The following ZNF584 variants were observed in gnomAD, a reference collection of about 807,000 sequenced individuals.
The protein encoded by ZNF584 is zinc finger protein 584.
Under a neutral mutation model 14.7 loss-of-function variants are expected in ZNF584, and 12 were observed. The observed-to-expected ratio is 0.82, with a 90% CI of 0.52 to 1.32. The LOEUF is 1.32. ZNF584 is among the 40% of genes most tolerant of loss of function. The pLI is 0.00. For missense variants in ZNF584, 478 were observed against 518.8 expected (o/e 0.92, Z 0.76); for synonymous variants, 204 against 190.9 (o/e 1.07, Z -0.57).
chr19:58,410,609 A>ATG (rs2052546666), intron 2 of ZNF584, among the ~76,000 whole-genome samples: 1 of 43,534 alleles, frequency 2.3e-5, no homozygotes, highest in African/African-American at 2.5e-4. Context: ...ATATGTATAT[A>ATG]TATGTGTATA....
chr19:58,406,344 CGGGG>C (rs1171489261), upstream of ZNF584: 1 of 24,400 alleles, frequency 4.1e-5, no homozygotes, highest in African/African-American at 1.6e-4. Flanking sequence ...GTGGAAAGAG[CGGGG>C]GGGGGGGGAG....
chr19:58,402,515 T>A (rs1234298695), intron 1 of ZNF584, among the ~76,000 whole-genome samples: 1 of 152,186 alleles, frequency 6.6e-6, no homozygotes, highest in Non-Finnish European at 1.5e-5. Context: ...ACCATATAAT[T>A]TGCCCATTTT....
At chr19:58,411,158 C>T (rs917776455) in intron 2 of ZNF584, among the ~76,000 whole-genome samples, 1 of 151,976 alleles carries the variant, frequency 6.6e-6, no homozygotes, top group Admixed American at 6.6e-5. Flanking sequence ...ATGGTGTTAG[C>T]TGTTGGTTTT....
rs1000699732 is a variant in ZNF584, at chr19:58,409,240, G to A, written c.18+75G>A. ...CGGCGTGTGCCAGGGCAGAGTTGGAGGAGGGCAGGAGATCTGCGTATGATT... is the reference window on the plus strand; with the variant it reads ...CGGCGTGTGCCAGGGCAGAGTTGGAAGAGGGCAGGAGATCTGCGTATGATT... On this transcript the variant is annotated intron_variant, in intron 1 of 3. Coordinates refer to ENST00000306910, the MANE Select transcript of ZNF584 (RefSeq NM_173548.3). 9 of 1,354,502 alleles carry A rather than the reference G, an allele frequency of 6.6e-6. No individual in the cohort carries two copies. In the Admixed American group the frequency reaches 1.4e-4, roughly 21 times the overall value. The allele number at this position is 1,354,502 out of a possible 1,614,324, so 83.9% of individuals were successfully genotyped here.
chr19:58,416,334 T>G (rs2052641933), intron 3 of ZNF584: 1 of 170,108 alleles, frequency 5.9e-6, no homozygotes, highest in Non-Finnish European at 1.3e-5. Flanking sequence ...CCTCCTGGGT[T>G]CATGCCATTC....
upstream of ZNF584, among the ~76,000 whole-genome samples, chr19:58,403,862 G>A (rs978727074): frequency 6.6e-6 from 1 of 150,928 alleles, no homozygotes. Context: ...CCAGCTATTC[G>A]TGAGGCTGAG....
In ZNF584 at chr19:58,410,765, A is replaced by G. The variant is rs866632937; in HGVS notation, c.169+674A>G. 5.0e-4 allele frequency among the ~76,000 whole-genome samples: 16 copies of G among 32,154 alleles called. 2 individuals are homozygous for G. The South Asian group carries it at 8.4e-3, about 17-fold the overall frequency. 21.1% of individuals were successfully genotyped at this position (32,154 alleles called of 152,430 possible). A position where few individuals can be genotyped will look rare whatever the true frequency, so the allele number is the denominator to read the frequency against. On this transcript the variant is annotated intron_variant, in intron 2 of 3. Coordinates refer to ENST00000306910, the MANE Select transcript of ZNF584 (RefSeq NM_173548.3). ...TGTGTGTATATATATATATATATGT[A>G]TATATATATATAATTTTTTTTTTTT...
At chr19:58,412,549 C>T (rs1047283902) in intron 2 of ZNF584, among the ~76,000 whole-genome samples, 2 of 152,180 alleles carry the variant, frequency 1.3e-5, no homozygotes, top group African/African-American at 4.8e-5. Flanking sequence ...AGGTGATCCA[C>T]CCATCTCGGC....
rs574062670 is a variant in ZNF584, at chr19:58,414,343, T to C, written c.170-1181T>C. 2.6e-5 allele frequency among the ~76,000 whole-genome samples: 4 copies of C among 152,002 alleles called. No individual in the cohort carries two copies. In the South Asian group the frequency reaches 8.3e-4, roughly 32 times the overall value. On this transcript the variant is annotated intron_variant, in intron 2 of 3. Transcript: ENST00000306910. ...TCTACTGAGGCTTGCTTTATTTATT[T>C]ATTTATTTATTTTGAGACAGAGTCT... is the stretch of plus-strand genomic sequence containing the variant.
chr19:58,410,512 T>C (rs1362003379), intron 2 of ZNF584, among the ~76,000 whole-genome samples: 5 of 124,110 alleles, frequency 4.0e-5, no homozygotes, highest in African/African-American at 1.5e-4. Flanking sequence ...TCAGAACGGT[T>C]TGGGAAATAT....
intron 3 of ZNF584, chr19:58,416,004 T>C: frequency 1.3e-6 from 2 of 1,563,512 alleles, no homozygotes; most frequent in Non-Finnish European, 1.7e-6. Flanking sequence ...TGGAATCACA[T>C]TTTGCTGGGA....
chr19:58,412,134 C>T (rs1321985666), intron 2 of ZNF584, among the ~76,000 whole-genome samples: 1 of 149,496 alleles, frequency 6.7e-6, no homozygotes, highest in Non-Finnish European at 1.5e-5. Flanking sequence ...GCATGCACCA[C>T]TATGCCTGGC....
At chr19:58,403,006 C>A (rs938672246) in intron 1 of ZNF584, among the ~76,000 whole-genome samples, 2 of 152,060 alleles carry the variant, frequency 1.3e-5, no homozygotes, top group Non-Finnish European at 2.9e-5. Context: ...GGCTACAATG[C>A]AAAACACTGA....
chr19:58,415,730 T>C (rs2052634211), intron 3 of ZNF584, 84 bp downstream of exon 3: 2 of 1,610,330 alleles, frequency 1.2e-6, no homozygotes, highest in Admixed American at 3.3e-5. Context: ...TACCTTGGTG[T>C]TGAGGGCAGT....
At position 58,418,202 on chromosome 19, in the gene ZNF584, A is replaced by G; in HGVS notation, c.*418A>G. 1 of 209,302 alleles carries G rather than the reference A, an allele frequency of 4.8e-6. No homozygotes were observed. The highest frequency in any genetic ancestry group is 9.7e-6 in the Non-Finnish European group (1 of 103,244). The allele number at this position is 209,302 out of a possible 1,614,324, so 13.0% of individuals were successfully genotyped here. ...TGGTATCTGCTGGGGGCTTCCTGGG[A>G]AGGTTTACCATTTTCATGGAAATGG... On this transcript the variant is annotated 3_prime_UTR_variant, in exon 4 of 4. Transcript: ENST00000306910.
chr19:58,414,054 C>A (rs545953878), intron 2 of ZNF584, among the ~76,000 whole-genome samples: 7 of 152,176 alleles, frequency 4.6e-5, no homozygotes, highest in African/African-American at 1.7e-4. Flanking sequence ...AACTCCTGAC[C>A]TTGTGATCCA....
chr19:58,407,122 G>T (rs1311578509), upstream of ZNF584: 1 of 152,298 alleles, frequency 6.6e-6, no homozygotes, highest in African/African-American at 2.4e-5. Context: ...ACTCCTGGGG[G>T]CATTCACCAG....
chr19:58,401,930 G>A (rs2052434190), intron 1 of ZNF584, among the ~76,000 whole-genome samples: 1 of 137,856 alleles, frequency 7.3e-6, no homozygotes, highest in Admixed American at 7.3e-5. Flanking sequence ...TTAGCCGGAC[G>A]TGGTGGCGGG....
intron 2 of ZNF584, among the ~76,000 whole-genome samples, chr19:58,410,423 CTG>C (rs1000639841): frequency 2.7e-5 from 4 of 150,214 alleles, no homozygotes; most frequent in Admixed American, 6.8e-5. Context: ...CATGGCTTCT[CTG>C]TGCTCTGGGT....
Sources: gnomAD v4.1 joint callset for allele counts (sites outside exome capture counted in the v4.1 genomes callset) on GRCh38, gnomAD v4.1.1 for gene constraint, MANE v1.5 for transcripts, NCBI Gene and HGNC (gene_info 2026-07-23, HGNC 2026-07-21) for gene names.